OCA2: variants seen among roughly 807,000 people sequenced by gnomAD.
OCA2 encodes P protein.
In OCA2, 77 loss-of-function variants were observed where a neutral mutation model predicts 100.2. The ratio of observed to expected loss-of-function variants is 0.77; its 90% confidence interval spans 0.64 to 0.93. OCA2 has a LOEUF of 0.93. OCA2 is among the 40% of genes least tolerant of loss of function. The pLI, the probability that OCA2 is intolerant of heterozygous loss-of-function variation, is 0.00. For missense variants in OCA2, 1,062 were observed against 1,089.1 expected (o/e 0.98, Z 0.35); for synonymous variants, 432 against 439.2 (o/e 0.98, Z 0.21).
chr15:28,003,159 C>T (rs1266402257), intron 9 of OCA2, among the ~76,000 whole-genome samples: 1 of 152,246 alleles, frequency 6.6e-6, no homozygotes, highest in East Asian at 1.9e-4. Context: ...ATTTTCAGTA[C>T]TCAGTTCCTA....
intron 18 of OCA2, among the ~76,000 whole-genome samples, chr15:27,932,491 C>T (rs767692): frequency 0.25 from 36,358 of 146,012 alleles, 4,979 homozygotes; most frequent in East Asian, 0.62. Flanking sequence ...AGCTAGGGGG[C>T]GGTGGGGGCA....
chr15:27,951,735 C>T, intron 18 of OCA2, 49 bp downstream of exon 18: 1 of 1,305,892 alleles, frequency 7.7e-7, no homozygotes, highest in Non-Finnish European at 1.1e-6. Context: ...TGAAACCTTC[C>T]CATCCAGAAT....
At chr15:27,922,859 T>TATA (rs939642170) in intron 19 of OCA2, among the ~76,000 whole-genome samples, 8 of 152,048 alleles carry the variant, frequency 5.3e-5, no homozygotes, top group Non-Finnish European at 1.0e-4. Context: ...AGGTTTATTA[T>TATA]ATAGGTAGAC....
rs546214101 is a variant in OCA2, at chr15:27,889,501, G to A, written c.2080-17579C>T. 4.5e-3 allele frequency among the ~76,000 whole-genome samples: 685 copies of A among 152,282 alleles called. 4 individuals are homozygous for A. The highest frequency in any genetic ancestry group is 4.9e-3 in the Non-Finnish European group (336 of 68,012). Reference sequence around the variant, plus strand: ...GGGTATGTCAGAGGCAGCCGGGCAGGTGCTGACATCTGGGGTACCTGGCCT... The same window carrying A: ...GGGTATGTCAGAGGCAGCCGGGCAGATGCTGACATCTGGGGTACCTGGCCT... On this transcript the variant is annotated intron_variant, in intron 19 of 23. Transcript: ENST00000354638.
At chr15:28,086,132 T>G (rs1368848252) in intron 1 of OCA2, among the ~76,000 whole-genome samples, 1 of 152,204 alleles carries the variant, frequency 6.6e-6, no homozygotes, top group Admixed American at 6.5e-5. Flanking sequence ...CCCCAATGGC[T>G]TAAGTGGGGA....
intron 18 of OCA2, among the ~76,000 whole-genome samples, chr15:27,944,109 G>A (rs2039750812): frequency 6.6e-6 from 1 of 152,006 alleles, no homozygotes; most frequent in Admixed American, 6.6e-5. Flanking sequence ...TTTACCATTT[G>A]GTACCCTTGG....
intron 9 of OCA2, among the ~76,000 whole-genome samples, chr15:27,997,181 GAAAGA>G (rs1356604944): frequency 1.1e-4 from 15 of 138,862 alleles, no homozygotes; most frequent in Admixed American, 9.9e-4. Context: ...GAAGGAGAGA[GAAAGA>G]AAAGAAGAGA....
chr15:27,745,074 C>T, the OCA2 span, among the ~76,000 whole-genome samples: 24 of 152,246 alleles, frequency 1.6e-4, no homozygotes, highest in South Asian at 4.8e-3. Context: ...CCGATCCCGA[C>T]CCCCAGAGAG....
chr15:27,975,800 T>G (rs1395732659), intron 14 of OCA2, among the ~76,000 whole-genome samples: 1 of 152,212 alleles, frequency 6.6e-6, no homozygotes, highest in African/African-American at 2.4e-5. Flanking sequence ...AATCAGCTTG[T>G]CAATTTCTAC....
chr15:28,018,713 T>C (rs1197920777), intron 6 of OCA2, among the ~76,000 whole-genome samples, 156 bp from the exon 7 acceptor site: 2 of 152,196 alleles, frequency 1.3e-5, no homozygotes, highest in African/African-American at 2.4e-5. Context: ...CCTGCCTTTC[T>C]TATTACCCAC....
At chr15:27,735,041 C>G in the OCA2 span, among the ~76,000 whole-genome samples, 1 of 151,560 alleles carries the variant, frequency 6.6e-6, no homozygotes, top group Admixed American at 6.6e-5. Flanking sequence ...AACTACCTAA[C>G]AAAGAATTAA....
At chr15:27,730,689 A>G in the OCA2 span, among the ~76,000 whole-genome samples, 7 of 148,270 alleles carry the variant, frequency 4.7e-5, no homozygotes, top group South Asian at 1.5e-3. Flanking sequence ...CCAGATTACA[A>G]GAGTTTTAGG....
chr15:27,961,540 G>A (rs1215935736), intron 15 of OCA2, among the ~76,000 whole-genome samples: 5 of 152,164 alleles, frequency 3.3e-5, no homozygotes, highest in Non-Finnish European at 7.4e-5. Flanking sequence ...CAAAGACTTG[G>A]AACCAACCCA....
At chr15:27,898,152 T>C (rs1308203997) in intron 19 of OCA2, among the ~76,000 whole-genome samples, 3 of 152,224 alleles carry the variant, frequency 2.0e-5, no homozygotes, top group South Asian at 2.1e-4. Flanking sequence ...CATTGGACTG[T>C]GTACTTTCGA....
At chr15:27,802,545 T>C (rs985252009) in intron 23 of OCA2, among the ~76,000 whole-genome samples, 2 of 152,202 alleles carry the variant, frequency 1.3e-5, no homozygotes, top group Admixed American at 1.3e-4. Context: ...TGATACTACC[T>C]GCTTTTAATA....
the OCA2 span, among the ~76,000 whole-genome samples, chr15:27,745,639 G>A: frequency 6.6e-6 from 1 of 152,198 alleles, no homozygotes; most frequent in Non-Finnish European, 1.5e-5. Context: ...TCTTGTGGGG[G>A]GAAATTTACG....
chr15:27,862,992 T>C (rs975916059), intron 21 of OCA2, among the ~76,000 whole-genome samples: 1 of 152,218 alleles, frequency 6.6e-6, no homozygotes, highest in Admixed American at 6.5e-5. Flanking sequence ...TGGTCCTCAC[T>C]GCTTGACCTC....
At chr15:27,978,780 G>A (rs548020515) in intron 14 of OCA2, among the ~76,000 whole-genome samples, 239 of 151,964 alleles carry the variant, frequency 1.6e-3, no homozygotes, top group Non-Finnish European at 3.1e-3. Context: ...CCATCTTCCG[G>A]GTTCAAGCGA....
intron 18 of OCA2, among the ~76,000 whole-genome samples, chr15:27,935,831 T>C (rs570986300): frequency 2.1e-4 from 32 of 152,356 alleles, no homozygotes; most frequent in African/African-American, 7.2e-4. Context: ...ATAAAAGATA[T>C]ACTGTACAGT....
Sources: gnomAD v4.1 joint callset for allele counts (sites outside exome capture counted in the v4.1 genomes callset) on GRCh38, gnomAD v4.1.1 for gene constraint, MANE v1.5 for transcripts, NCBI Gene and HGNC (gene_info 2026-07-23, HGNC 2026-07-21) for gene names.